The following DGKB variants were observed in gnomAD, a reference collection of about 807,000 sequenced individuals.
DGKB encodes 90 kDa diacylglycerol kinase.
In DGKB, 67 loss-of-function variants were observed where a neutral mutation model predicts 114.3. That is an observed-to-expected ratio of 0.59 (90% CI 0.48 to 0.72). The LOEUF (loss-of-function observed/expected upper bound fraction) is 0.72, where lower values mean the gene tolerates loss of function less well. DGKB is among the 30% of genes least tolerant of loss of function. DGKB has a pLI of 0.00. For missense variants in DGKB, 907 were observed against 975.2 expected, an observed-to-expected ratio of 0.93 and a Z score of 0.93; for synonymous variants, 398 against 323.1, an observed-to-expected ratio of 1.23 and a Z score of -2.49.
At chr7:14,256,973 A>C (rs551313803) in intron 23 of DGKB, among the ~76,000 whole-genome samples, 2 of 152,194 alleles carry the variant, frequency 1.3e-5, no homozygotes, top group South Asian at 4.1e-4. Context: ...TGAGACCAGC[A>C]TGGGCATCAT....
At chr7:14,681,433 G>C (rs892292129) in intron 12 of DGKB, among the ~76,000 whole-genome samples, 1 of 151,844 alleles carries the variant, frequency 6.6e-6, no homozygotes, top group South Asian at 2.1e-4. Flanking sequence ...ATGTGTGTGT[G>C]AGTGTGTGTG....
intron 21 of DGKB, among the ~76,000 whole-genome samples, chr7:14,451,305 G>C (rs926997335): frequency 6.6e-6 from 1 of 152,010 alleles, no homozygotes; most frequent in Non-Finnish European, 1.5e-5. Flanking sequence ...GAGCAAAAAG[G>C]CTGGGTAAAG....
chr7:14,402,647 A>G (rs1309449371), intron 21 of DGKB, among the ~76,000 whole-genome samples: 15 of 151,930 alleles, frequency 9.9e-5, no homozygotes, highest in Admixed American at 8.5e-4. Context: ...GACCTGAACC[A>G]TAAGTAGGTA....
chr7:14,405,506 CA>C (rs1823797909), intron 21 of DGKB, among the ~76,000 whole-genome samples: 1 of 151,954 alleles, frequency 6.6e-6, no homozygotes, highest in South Asian at 2.1e-4. Context: ...AGGATATAAT[CA>C]GATTTTATGC....
chr7:14,558,962 G>T (rs1441663495), intron 20 of DGKB, among the ~76,000 whole-genome samples: 1 of 152,152 alleles, frequency 6.6e-6, no homozygotes, highest in Non-Finnish European at 1.5e-5. Context: ...ATTTGAATCA[G>T]GAGAGTTGAA....
At chr7:14,386,918 C>T (rs918154658) in intron 21 of DGKB, among the ~76,000 whole-genome samples, 2 of 151,692 alleles carry the variant, frequency 1.3e-5, no homozygotes, top group Non-Finnish European at 2.9e-5. Flanking sequence ...CTTATGATTC[C>T]TTTAAATGAC....
At chr7:14,507,675 G>A (rs1787306748) in intron 20 of DGKB, among the ~76,000 whole-genome samples, 1 of 152,152 alleles carries the variant, frequency 6.6e-6, no homozygotes, top group South Asian at 2.1e-4. Flanking sequence ...ACCCCCTGAA[G>A]CAGGCTTTCC....
intron 23 of DGKB, among the ~76,000 whole-genome samples, chr7:14,265,153 T>TTTC (rs879750944): frequency 6.6e-6 from 1 of 150,776 alleles, no homozygotes. Context: ...TTTTTTTTTT[T>TTTC]CACCTAAAAA....
At chr7:14,326,822 T>C (rs1014574834) in intron 23 of DGKB, among the ~76,000 whole-genome samples, 8 of 152,190 alleles carry the variant, frequency 5.3e-5, no homozygotes, top group Admixed American at 2.0e-4. Context: ...TGTTCAAGTA[T>C]GTTTTTATTC....
chr7:14,878,117 G>A (rs1853592121), intron 1 of DGKB, among the ~76,000 whole-genome samples: 1 of 148,800 alleles, frequency 6.7e-6, no homozygotes, highest in Admixed American at 6.7e-5. Context: ...AACAAATAGA[G>A]CCTGTCCACA....
At chr7:14,292,684 G>A (rs1022432921) in intron 23 of DGKB, among the ~76,000 whole-genome samples, 1 of 152,112 alleles carries the variant, frequency 6.6e-6, no homozygotes, top group African/African-American at 2.4e-5. Flanking sequence ...TGGATGAATT[G>A]TGCTGCTACC....
intron 2 of DGKB, among the ~76,000 whole-genome samples, chr7:14,831,865 G>C (rs1355412905): frequency 6.6e-6 from 1 of 151,644 alleles, no homozygotes; most frequent in Non-Finnish European, 1.5e-5. Context: ...CGTTCCAAGA[G>C]GTAAAAGAAG....
chr7:14,898,888 T>C (rs1318264958), intron 1 of DGKB, among the ~76,000 whole-genome samples: 1 of 152,120 alleles, frequency 6.6e-6, no homozygotes, highest in African/African-American at 2.4e-5. Context: ...AATAACTGAG[T>C]TGGGGACATT....
intron 12 of DGKB, among the ~76,000 whole-genome samples, chr7:14,677,947 T>C (rs1479155996): frequency 6.6e-6 from 1 of 152,072 alleles, no homozygotes; most frequent in Non-Finnish European, 1.5e-5. Context: ...ATCTACAAGA[T>C]AGCCAACTAG....
intron 21 of DGKB, among the ~76,000 whole-genome samples, chr7:14,403,848 G>T (rs1282811307): frequency 6.6e-6 from 1 of 151,816 alleles, no homozygotes; most frequent in Non-Finnish European, 1.5e-5. Flanking sequence ...CCTAAAATCA[G>T]AACCTGTGAT....
chr7:14,606,144 AC>A, intron 17 of DGKB, among the ~76,000 whole-genome samples: 1 of 152,222 alleles, frequency 6.6e-6, no homozygotes, highest in East Asian at 1.9e-4. Flanking sequence ...ATATTAAAGG[AC>A]AAGAAAAAGA....
intron 13 of DGKB, among the ~76,000 whole-genome samples, chr7:14,657,831 G>A (rs1816168905): frequency 6.6e-6 from 1 of 151,898 alleles, no homozygotes; most frequent in Non-Finnish European, 1.5e-5. Context: ...ATTAGCTGAT[G>A]TGTAGCATTG....
intron 13 of DGKB, among the ~76,000 whole-genome samples, chr7:14,630,904 C>CTT (rs796436361): frequency 6.9e-6 from 1 of 144,076 alleles, no homozygotes; most frequent in African/African-American, 2.5e-5. Context: ...ATTGGAAAGC[C>CTT]TTTTTTTTTT....
chr7:14,244,274 G>C (rs1455118193), intron 23 of DGKB, among the ~76,000 whole-genome samples: 1 of 152,106 alleles, frequency 6.6e-6, no homozygotes, highest in Non-Finnish European at 1.5e-5. Flanking sequence ...TCTTTCATAA[G>C]AGCCTTTAGC....
Sources: gnomAD v4.1 joint callset for allele counts (sites outside exome capture counted in the v4.1 genomes callset) on GRCh38, gnomAD v4.1.1 for gene constraint, MANE v1.5 for transcripts, NCBI Gene and HGNC (gene_info 2026-07-23, HGNC 2026-07-21) for gene names.